Variants in GRID2 observed in about 807,000 individuals in gnomAD.
GRID2 encodes the protein glutamate ionotropic receptor delta type subunit 2.
A neutral mutation model predicts 114.8 loss-of-function variants in GRID2; 33 were observed. That is an observed-to-expected ratio of 0.29 (90% CI 0.22 to 0.38). GRID2 has a LOEUF of 0.38. GRID2 is among the 10% of genes least tolerant of loss of function. The pLI is 1.00. For synonymous variants in GRID2, 505 were observed against 449.9 expected, an observed-to-expected ratio of 1.12 and a Z score of -1.55; for missense variants, 1,184 against 1,257.7, an observed-to-expected ratio of 0.94 and a Z score of 0.89.
chr4:92,872,022 T>C (rs1745316457), intron 2 of GRID2, among the ~76,000 whole-genome samples: 2 of 152,140 alleles, frequency 1.3e-5, no homozygotes, highest in African/African-American at 4.8e-5. Context: ...AGTGTGTGTC[T>C]GTGTGTGTGT....
chr4:92,629,082 A>C (rs565891634), intron 2 of GRID2, among the ~76,000 whole-genome samples: 1 of 152,094 alleles, frequency 6.6e-6, no homozygotes, highest in African/African-American at 2.4e-5. Context: ...TTAATAGTGA[A>C]AAAACGATAC....
intron 2 of GRID2, among the ~76,000 whole-genome samples, chr4:92,858,552 T>C (rs1370117322): frequency 1.3e-5 from 2 of 152,188 alleles, no homozygotes; most frequent in African/African-American, 4.8e-5. Flanking sequence ...AATGAGGAGT[T>C]TGTTTGTTTT....
At chr4:92,983,048 T>C (rs1754312630) in intron 2 of GRID2, among the ~76,000 whole-genome samples, 1 of 152,090 alleles carries the variant, frequency 6.6e-6, no homozygotes, top group South Asian at 2.1e-4. Context: ...CAATCAGAGA[T>C]AGGAAGGAAA....
chr4:93,174,389 C>CT (rs1739146242), intron 4 of GRID2, among the ~76,000 whole-genome samples: 1 of 152,076 alleles, frequency 6.6e-6, no homozygotes, highest in Non-Finnish European at 1.5e-5. Context: ...TTGAGACTGG[C>CT]TTTTTTTCAC....
chr4:93,725,824 G>A (rs1729825987), intron 14 of GRID2, among the ~76,000 whole-genome samples: 1 of 152,058 alleles, frequency 6.6e-6, no homozygotes, highest in African/African-American at 2.4e-5. Context: ...ACTTGTTGAT[G>A]GGGTTGTTTG....
chr4:92,316,005 A>AG (rs1299596500), intron 1 of GRID2, among the ~76,000 whole-genome samples: 1 of 150,666 alleles, frequency 6.6e-6, no homozygotes, highest in Non-Finnish European at 1.5e-5. Context: ...AAAAAAAAAA[A>AG]AAAAAAAAAG....
intron 2 of GRID2, among the ~76,000 whole-genome samples, chr4:92,665,926 C>T (rs1010085266): frequency 6.6e-6 from 1 of 151,562 alleles, no homozygotes; most frequent in Admixed American, 6.6e-5. Context: ...ATATCGAATT[C>T]ATTAAAGTTC....
At chr4:92,740,507 CA>C (rs1270221760) in intron 2 of GRID2, among the ~76,000 whole-genome samples, 2 of 152,134 alleles carry the variant, frequency 1.3e-5, no homozygotes, top group African/African-American at 4.8e-5. Context: ...GAGTACAACT[CA>C]ATCCATGTAA....
intron 2 of GRID2, among the ~76,000 whole-genome samples, chr4:92,610,621 A>G (rs1281792905): frequency 9.9e-5 from 15 of 151,578 alleles, no homozygotes; most frequent in African/African-American, 9.7e-5. Context: ...ATTAAAATGT[A>G]CAATTAAACT....
At position 92,590,246 on chromosome 4, in the gene GRID2, G is replaced by A. The variant is rs559895523; in HGVS notation, c.204G>A (p.Thr68=). 90 of 1,613,278 alleles carry A rather than the reference G, an allele frequency of 5.6e-5. No individual in the cohort carries two copies. In the Middle Eastern group the frequency reaches 4.1e-3, roughly 74 times the overall value. The change falls in exon 2 of 16, where the codon ACG becomes ACA. Residue 68 remains threonine (T), a synonymous_variant. Transcript: ENST00000282020. ...CTGAGAAAATCACATTTTCAGTGAC[G>A]TTTGTTGATGGCAACAACCCTTTCC... ...LQTEKITFSV[T]FVDGNNPFQA...
intron 2 of GRID2, among the ~76,000 whole-genome samples, chr4:92,673,499 G>A (rs1733176161): frequency 6.6e-6 from 1 of 152,166 alleles, no homozygotes; most frequent in Admixed American, 6.5e-5. Flanking sequence ...TTTCTTTTAA[G>A]TTATTTCCCT....
intron 1 of GRID2, among the ~76,000 whole-genome samples, chr4:92,500,635 T>C (rs1723635512): frequency 6.6e-6 from 1 of 152,176 alleles, no homozygotes; most frequent in South Asian, 2.1e-4. Flanking sequence ...GAATGCTTTA[T>C]GTTGCTAAGC....
intron 1 of GRID2, among the ~76,000 whole-genome samples, chr4:92,484,879 CAT>C (rs1470942753): frequency 3.3e-5 from 5 of 151,876 alleles, no homozygotes; most frequent in Admixed American, 2.0e-4. Context: ...TATAATTTCT[CAT>C]ATTTAAACTC....
At chr4:93,564,093 A>G (rs1735180094) in intron 13 of GRID2, among the ~76,000 whole-genome samples, 2 of 151,932 alleles carry the variant, frequency 1.3e-5, no homozygotes, top group African/African-American at 4.8e-5. Flanking sequence ...CCTCAGTACT[A>G]TCCTTTCAGA....
intron 13 of GRID2, among the ~76,000 whole-genome samples, chr4:93,523,066 A>G (rs1443914402): frequency 6.6e-6 from 1 of 152,096 alleles, no homozygotes; most frequent in Non-Finnish European, 1.5e-5. Flanking sequence ...AAGTCTGATA[A>G]CATAAGCTTC....
At chr4:92,628,511 C>G (rs921170587) in intron 2 of GRID2, among the ~76,000 whole-genome samples, 1 of 151,968 alleles carries the variant, frequency 6.6e-6, no homozygotes, top group Non-Finnish European at 1.5e-5. Flanking sequence ...GGCACAGCCA[C>G]CACACCCAGC....
At chr4:93,428,775 T>G (rs1769116107) in intron 10 of GRID2, among the ~76,000 whole-genome samples, 1 of 152,318 alleles carries the variant, frequency 6.6e-6, no homozygotes, top group Non-Finnish European at 1.5e-5. Context: ...CTTGACAATA[T>G]TATTTTAAGT....
intron 2 of GRID2, among the ~76,000 whole-genome samples, chr4:92,713,151 C>A (rs1437606778): frequency 1.3e-5 from 2 of 150,326 alleles, no homozygotes; most frequent in Non-Finnish European, 3.0e-5. Flanking sequence ...CCCCGCTCCC[C>A]CCACCCCACA....
intron 1 of GRID2, among the ~76,000 whole-genome samples, chr4:92,458,195 A>C (rs1721311581): frequency 6.6e-6 from 1 of 152,182 alleles, no homozygotes; most frequent in Non-Finnish European, 1.5e-5. Flanking sequence ...TCCAAAAATA[A>C]ATAGGGAAGC....
Sources: allele counts gnomAD v4.1 joint callset (sites outside exome capture counted in the v4.1 genomes callset), GRCh38; gene constraint gnomAD v4.1.1; transcripts MANE v1.5; gene names NCBI Gene and HGNC (gene_info 2026-07-23, HGNC 2026-07-21).